The following AVEN variants were observed in gnomAD, a reference collection of about 807,000 sequenced individuals.
AVEN encodes the protein apoptosis and caspase activation inhibitor, also known as cell death regulator Aven.
Under a neutral mutation model 38.1 loss-of-function variants are expected in AVEN, and 41 were observed. The observed-to-expected ratio is 1.08, with a 90% CI of 0.84 to 1.40. AVEN has a LOEUF of 1.40. AVEN is among the 40% of genes most tolerant of loss of function. The probability of loss-of-function intolerance (pLI) is 0.00; values close to 1 mark genes in which losing one functional copy is unlikely to be tolerated. For missense variants in AVEN, 605 were observed against 438.8 expected (o/e 1.38, Z -3.38); for synonymous variants, 206 against 171.8 (o/e 1.20, Z -1.56).
intron 4 of AVEN, chr15:34,064,145 G>C (rs767673178): frequency 6.2e-7 from 1 of 1,614,196 alleles, no homozygotes; most frequent in South Asian, 1.1e-5. Context: ...CAGTCACCCT[G>C]TGGCACTTGG....
chr15:33,994,289 T>C (rs1017685206), intron 2 of AVEN, among the ~76,000 whole-genome samples: 1 of 152,192 alleles, frequency 6.6e-6, no homozygotes, highest in Admixed American at 6.5e-5. Context: ...GGGATCCAGG[T>C]TGCACGCTCC....
At chr15:33,937,932 CAAAAAAAAAAAAA>C (rs55887919) in intron 2 of AVEN, among the ~76,000 whole-genome samples, 2,263 of 100,932 alleles carry the variant, frequency 0.022, 59 homozygotes, top group African/African-American at 0.063. Flanking sequence ...CCTACTTGAC[CAAAAAAAAAAAAA>C]AAAAAAAAAA....
chr15:34,028,752 T>G (rs979382319), intron 1 of AVEN, among the ~76,000 whole-genome samples: 3 of 152,142 alleles, frequency 2.0e-5, no homozygotes, highest in Non-Finnish European at 4.4e-5. Flanking sequence ...GAAGTTTCAG[T>G]AACTTTCCTG....
intron 2 of AVEN, among the ~76,000 whole-genome samples, chr15:33,964,392 G>C (rs1215000199): frequency 6.6e-6 from 1 of 152,094 alleles, no homozygotes; most frequent in African/African-American, 2.4e-5. Context: ...AGTGAAAAAA[G>C]TGGGTGCTAT....
At chr15:33,890,978 G>A (rs681603) in intron 2 of AVEN, among the ~76,000 whole-genome samples, 124,729 of 152,110 alleles carry the variant, frequency 0.82, 55,238 homozygotes, top group East Asian at 0.98. Flanking sequence ...GCGTGGTGGT[G>A]CACATGTGTA....
intron 1 of AVEN, among the ~76,000 whole-genome samples, chr15:34,072,928 C>T (rs1465528656): frequency 2.0e-5 from 3 of 152,012 alleles, no homozygotes; most frequent in Admixed American, 6.5e-5. Context: ...GGATTACACG[C>T]GTGAGCCACC....
At chr15:33,930,332 C>T (rs1315496599) in intron 2 of AVEN, among the ~76,000 whole-genome samples, 12 of 81,744 alleles carry the variant, frequency 1.5e-4, no homozygotes. Flanking sequence ...ATTTTGAGTC[C>T]ATCTAGGACA....
intron 1 of AVEN, among the ~76,000 whole-genome samples, chr15:34,071,440 A>T (rs544565236): frequency 1.4e-4 from 21 of 151,452 alleles, no homozygotes; most frequent in African/African-American, 4.6e-4. Flanking sequence ...TATCAAGCTA[A>T]TTTTTTTTTA....
At chr15:33,946,385 C>G (rs1388730420) in intron 2 of AVEN, among the ~76,000 whole-genome samples, 3 of 152,078 alleles carry the variant, frequency 2.0e-5, no homozygotes, top group African/African-American at 4.8e-5. Flanking sequence ...CACAATAAAT[C>G]ACATAACCAA....
chr15:33,933,524 C>CACACACACACAGAGAGAGAGAG (rs1893945145), intron 2 of AVEN, among the ~76,000 whole-genome samples: 4 of 46,650 alleles, frequency 8.6e-5, no homozygotes, highest in Non-Finnish European at 1.3e-4. Context: ...CACACACACA[C>CACACACACACAGAGAGAGAGAG]AGAGAGAGAG....
At chr15:34,053,092 G>T (rs922363733) in intron 5 of AVEN, among the ~76,000 whole-genome samples, 2 of 151,636 alleles carry the variant, frequency 1.3e-5, no homozygotes, top group African/African-American at 4.8e-5. Context: ...TTGAGATCAG[G>T]AATTTGAGAC....
intron 5 of AVEN, among the ~76,000 whole-genome samples, chr15:33,867,204 T>G (rs1443049105): frequency 2.6e-5 from 4 of 152,246 alleles, no homozygotes; most frequent in Non-Finnish European, 5.9e-5. Flanking sequence ...AGCTGAAGGC[T>G]ACAGGTATCC....
rs16958321 is a variant in AVEN, at chr15:33,910,591, C to G, written c.446-34596G>C. Among the ~76,000 whole-genome samples the G allele has an allele frequency of 1.0e-2, 1,517 of 152,314 alleles. 27 individuals are homozygous for G. Among genetic ancestry groups the G allele is most frequent in the African/African-American group, 0.035 (1,449 of 41,562 alleles). Reference sequence around the variant, plus strand: ...CTAGTGGGAATTTGTGCTCTAGGATCTTAAAAAGTGACAGGGAGAGAGAAT... The same window carrying G: ...CTAGTGGGAATTTGTGCTCTAGGATGTTAAAAAGTGACAGGGAGAGAGAAT... On this transcript the variant is annotated intron_variant, in intron 2 of 5. Transcript: ENST00000306730.
At chr15:33,920,525 G>A (rs148684390) in intron 2 of AVEN, among the ~76,000 whole-genome samples, 1 of 152,108 alleles carries the variant, frequency 6.6e-6, no homozygotes, top group South Asian at 2.1e-4. Context: ...TCCTAAATCT[G>A]ACTTATATCT....
intron 2 of AVEN, among the ~76,000 whole-genome samples, chr15:33,897,080 A>G (rs1892261902): frequency 1.3e-5 from 2 of 152,310 alleles, no homozygotes; most frequent in South Asian, 4.1e-4. Flanking sequence ...GCTACATACT[A>G]TAGGGTTCCA....
At chr15:33,864,446 C>A (rs1889722430), downstream of AVEN, among the ~76,000 whole-genome samples, 1 of 152,032 alleles carries the variant, frequency 6.6e-6, no homozygotes, top group Non-Finnish European at 1.5e-5. Context: ...ATTACAGAGA[C>A]AATATGAAAT....
At chr15:33,883,230 A>G (rs1006813162) in intron 2 of AVEN, among the ~76,000 whole-genome samples, 7 of 152,210 alleles carry the variant, frequency 4.6e-5, no homozygotes, top group African/African-American at 1.7e-4. Context: ...TTAGTATTGC[A>G]AATGTGTAGT....
At chr15:34,019,438 T>TA (rs924369477) in intron 1 of AVEN, among the ~76,000 whole-genome samples, 3 of 152,176 alleles carry the variant, frequency 2.0e-5, no homozygotes, top group African/African-American at 4.8e-5. Flanking sequence ...GCTAATTATT[T>TA]AAAAAAAGCA....
chr15:34,055,468 G>A (rs1046490364), intron 5 of AVEN, among the ~76,000 whole-genome samples: 2 of 151,928 alleles, frequency 1.3e-5, no homozygotes, highest in Non-Finnish European at 1.5e-5. Context: ...TCACGCCACT[G>A]CATTCCAGCC....
Sources: allele counts gnomAD v4.1 joint callset (sites outside exome capture counted in the v4.1 genomes callset), GRCh38; gene constraint gnomAD v4.1.1; transcripts MANE v1.5; gene names NCBI Gene and HGNC (gene_info 2026-07-23, HGNC 2026-07-21).